Variants in PCDHGB1 observed in about 807,000 individuals in gnomAD.
PCDHGB1 encodes protocadherin gamma-B1.
PCDHGB1 carries 34 observed loss-of-function variants against 56.6 expected under a neutral mutation model. The observed-to-expected ratio is 0.60, with a 90% CI of 0.46 to 0.80. The LOEUF is 0.80. Among genes scored for constraint, PCDHGB1 ranks in the 30% least tolerant of loss-of-function variants. The pLI is 0.00. For synonymous variants in PCDHGB1, 561 were observed against 505.9 expected (o/e 1.11, Z -1.46); for missense variants, 1,278 against 1,204.6 (o/e 1.06, Z -0.90).
chr5:141,383,267 T>G (rs1428207205), intron 1 of PCDHGB1: 1 of 1,613,726 alleles, frequency 6.2e-7, no homozygotes, highest in East Asian at 2.2e-5. Context: ...GACGTGGAAA[T>G]AATAGATATT....
chr5:141,504,907 A>G (rs2099841813), intron 2 of PCDHGB1, among the ~76,000 whole-genome samples: 1 of 152,100 alleles, frequency 6.6e-6, no homozygotes, highest in African/African-American at 2.4e-5. Context: ...TCACTATGAC[A>G]GGAAGCCAGG....
At chr5:141,413,500 A>C (rs1422297029) in intron 1 of PCDHGB1, 2 of 1,614,034 alleles carry the variant, frequency 1.2e-6, no homozygotes, top group South Asian at 1.1e-5. Flanking sequence ...GTGCGTGGTG[A>C]GTTTTAATAT....
chr5:141,374,657 C>T, intron 1 of PCDHGB1: 1 of 1,612,018 alleles, frequency 6.2e-7, no homozygotes, highest in Non-Finnish European at 8.5e-7. Context: ...GCCCAAGTAC[C>T]CGGAGCTGGT....
chr5:141,492,548 C>T (rs1028674110), intron 1 of PCDHGB1, among the ~76,000 whole-genome samples: 5 of 152,218 alleles, frequency 3.3e-5, no homozygotes, highest in African/African-American at 9.6e-5. Flanking sequence ...TGGGCCGGGT[C>T]GCCTGGGGGG....
At position 141,384,205 on chromosome 5, in the gene PCDHGB1, A is replaced by G. The variant is rs537255250; in HGVS notation, c.2409+31536A>G. 3.1e-6 allele frequency: 5 copies of G among 1,613,874 alleles called. No homozygotes were observed. In the African/African-American group the frequency reaches 4.0e-5, roughly 13 times the overall value. On this transcript the variant is annotated intron_variant, in intron 1 of 3. Transcript: ENST00000523390. ...TGGAACTCCTCCCTTGTCCAGGGAAACTCACATATTCATGCAGGTGGCAGA... is the reference window on the plus strand; with the variant it reads ...TGGAACTCCTCCCTTGTCCAGGGAAGCTCACATATTCATGCAGGTGGCAGA...
chr5:141,356,256 CA>C (rs1760169250), intron 1 of PCDHGB1: 1 of 1,570,702 alleles, frequency 6.4e-7, no homozygotes, highest in South Asian at 1.2e-5. Context: ...TTACATCTCT[CA>C]CCAGCTCAGT....
intron 1 of PCDHGB1, among the ~76,000 whole-genome samples, chr5:141,479,107 G>A (rs1212999480): frequency 6.6e-6 from 1 of 152,090 alleles, no homozygotes; most frequent in Non-Finnish European, 1.5e-5. Flanking sequence ...TTTATTTCAA[G>A]CATTCTACTG....
At chr5:141,479,685 G>C (rs749895405) in intron 1 of PCDHGB1, 2 of 152,130 alleles carry the variant, frequency 1.3e-5, no homozygotes, top group Non-Finnish European at 2.9e-5. Context: ...AGTCTTTTTG[G>C]TGCCTCCAGT....
intron 1 of PCDHGB1, chr5:141,409,583 G>A (rs1221824873): frequency 1.2e-6 from 2 of 1,613,920 alleles, no homozygotes; most frequent in African/African-American, 1.3e-5. Flanking sequence ...CGTGGTCCAC[G>A]TGGCCGAGAA....
chr5:141,424,005 C>A, intron 1 of PCDHGB1: 1 of 1,070,322 alleles, frequency 9.3e-7, no homozygotes. Context: ...TATATAGATA[C>A]AAATTAATGA....
At chr5:141,381,893 G>C (rs1777730137) in intron 1 of PCDHGB1, among the ~76,000 whole-genome samples, 1 of 121,222 alleles carries the variant, frequency 8.2e-6, no homozygotes, top group African/African-American at 3.2e-5. Context: ...GCAATGGTGT[G>C]ATCTCGGCTC....
At chr5:141,405,140 G>A in intron 1 of PCDHGB1, 1 of 1,614,072 alleles carries the variant, frequency 6.2e-7, no homozygotes, top group Non-Finnish European at 8.5e-7. Flanking sequence ...GGCTACCAGT[G>A]ATGGGTTGGC....
At chr5:141,384,149 T>A in intron 1 of PCDHGB1, 1 of 1,613,370 alleles carries the variant, frequency 6.2e-7, no homozygotes, top group Non-Finnish European at 8.5e-7. Flanking sequence ...ACACTCTCTT[T>A]GTATAACATC....
At chr5:141,413,082 A>T in intron 1 of PCDHGB1, 8 of 1,344,446 alleles carry the variant, frequency 6.0e-6, no homozygotes, top group Non-Finnish European at 8.1e-6. Context: ...CCCAGGCTAC[A>T]GAGACACCCT....
At chr5:141,356,208 A>T in intron 1 of PCDHGB1, 1 of 1,605,906 alleles carries the variant, frequency 6.2e-7, no homozygotes, top group African/African-American at 1.3e-5. Flanking sequence ...TACTGGTGAC[A>T]GTTCTGGATG....
At chr5:141,399,901 G>A (rs767228671) in intron 1 of PCDHGB1, 42 of 1,612,296 alleles carry the variant, frequency 2.6e-5, no homozygotes, top group African/African-American at 1.3e-5. Flanking sequence ...GGCCGTGGAC[G>A]CAGACTCAGG....
At chr5:141,504,135 C>G (rs758903340) in intron 2 of PCDHGB1, among the ~76,000 whole-genome samples, 215 of 152,306 alleles carry the variant, frequency 1.4e-3, no homozygotes, top group Middle Eastern at 3.4e-3. Context: ...CCCGCCAACA[C>G]TCCCCTGCAA....
Position 141,491,968 on chromosome 5 carries a change from G to GC in PCDHGB1, c.2410-2837dup. On this transcript the variant is annotated intron_variant, in intron 1 of 3. Coordinates refer to ENST00000523390, the MANE Select transcript of PCDHGB1 (RefSeq NM_018922.3). The surrounding 1 kb of genome is among the most constrained non-coding windows in gnomAD (Gnocchi z 6.9). ...ACCCCTACACTCAAAAAAGGCCGGG[G>GC]CCTCCTTCGAGCTTCCGGTGAATTT... 1.1e-6 allele frequency: 1 copy of GC among 923,644 alleles called. No homozygotes were observed. Among genetic ancestry groups the GC allele is most frequent in the Admixed American group, 3.6e-5 (1 of 27,548 alleles). 57.2% of individuals were successfully genotyped at this position (923,644 alleles called of 1,614,324 possible).
At chr5:141,405,031 C>T (rs760020802) in intron 1 of PCDHGB1, 4 of 1,613,968 alleles carry the variant, frequency 2.5e-6, no homozygotes, top group South Asian at 2.2e-5. Context: ...CCCTCTACCT[C>T]GTTGTGGCTG....
Sources: allele counts gnomAD v4.1 joint callset (sites outside exome capture counted in the v4.1 genomes callset), GRCh38; gene constraint gnomAD v4.1.1; non-coding constraint Gnocchi (gnomAD v3.1); transcripts MANE v1.5; gene names NCBI Gene and HGNC (gene_info 2026-07-23, HGNC 2026-07-21).